The following DENND2A variants were observed in gnomAD, a reference collection of about 807,000 sequenced individuals.
DENND2A encodes the protein DENN domain-containing protein 2A.
In DENND2A, 53 loss-of-function variants were observed where a neutral mutation model predicts 105.3. That is an observed-to-expected ratio of 0.50 (90% CI 0.40 to 0.63). DENND2A has a LOEUF of 0.63. Ranked by LOEUF, DENND2A falls within the 30% of genes least tolerant of loss-of-function variation. DENND2A has a pLI of 0.00. For synonymous variants in DENND2A, 522 were observed against 508.4 expected, an observed-to-expected ratio of 1.03 and a Z score of -0.36; for missense variants, 1,138 against 1,279.6, an observed-to-expected ratio of 0.89 and a Z score of 1.69.
In DENND2A at chr7:140,587,705, C is replaced by T; in HGVS notation, c.1071G>A (p.Lys357=). The T allele has an allele frequency of 6.2e-7, 1 of 1,614,014 alleles. No individual in the cohort carries two copies. The highest frequency in any genetic ancestry group is 8.5e-7 in the Non-Finnish European group (1 of 1,179,938). The change falls in exon 4 of 20, where the codon AAG becomes AAA. Residue 357 remains lysine, a synonymous_variant. Coordinates refer to ENST00000496613, the MANE Select transcript of DENND2A (RefSeq NM_015689.5). ...SSRVDWYAQT[K]LGLTRTLSEE... ...CCGATAAAGTGCGTGTCAGCCCCAG[C>T]TTAGTCTGCGCGTACCAGTCCACCC...
chr7:140,629,525 G>A (rs143234598), intron 1 of DENND2A, among the ~76,000 whole-genome samples: 173 of 152,312 alleles, frequency 1.1e-3, no homozygotes, highest in African/African-American at 3.9e-3. Flanking sequence ...CAGCAGGCTA[G>A]ATGTTGGGAT....
At chr7:140,555,427 C>A (rs1307849345) in intron 12 of DENND2A, among the ~76,000 whole-genome samples, 1 of 152,068 alleles carries the variant, frequency 6.6e-6, no homozygotes, top group African/African-American at 2.4e-5. Flanking sequence ...GCATGAGCCA[C>A]CCCGCCACCA....
At chr7:140,595,405 T>C (rs530923610) in intron 3 of DENND2A, among the ~76,000 whole-genome samples, 7 of 152,310 alleles carry the variant, frequency 4.6e-5, no homozygotes, top group Admixed American at 2.0e-4. Flanking sequence ...AGCTGTATTA[T>C]TGAGTTAATT....
At position 140,567,167 on chromosome 7, in the gene DENND2A, C is replaced by T; in HGVS notation, c.1698G>A (p.Glu566=). Residue 566 remains glutamate, a synonymous_variant, in exon 9 of 20, where the codon GAG becomes GAA. Transcript: ENST00000496613. ...LIEYQERQLF[E]YFVVVSLHKK... ...TGTGCAAAGACACAACCACAAAGTA[C>T]TCGAAGAGCTGCCTCTCCTGGTACT... 1.2e-6 allele frequency: 2 copies of T among 1,613,620 alleles called. No individual in the cohort carries two copies. Among genetic ancestry groups the T allele is most frequent in the Non-Finnish European group, 1.7e-6 (2 of 1,179,874 alleles).
At chr7:140,581,495 C>T (rs1399910945) in intron 5 of DENND2A, among the ~76,000 whole-genome samples, 1 of 152,186 alleles carries the variant, frequency 6.6e-6, no homozygotes, top group Non-Finnish European at 1.5e-5. Flanking sequence ...CTGAGGATCT[C>T]TCCGCAGCTG....
At chr7:140,638,026 G>T (rs929770169) in intron 1 of DENND2A, among the ~76,000 whole-genome samples, 2 of 152,176 alleles carry the variant, frequency 1.3e-5, no homozygotes, top group African/African-American at 4.8e-5. Context: ...GAGGAAGGCA[G>T]TAACGGGGAG....
At chr7:140,532,443 G>A (rs4726889) in intron 14 of DENND2A, among the ~76,000 whole-genome samples, 84,020 of 152,032 alleles carry the variant, frequency 0.55, 23,831 homozygotes, top group East Asian at 0.86. Flanking sequence ...ACTTTAGTCC[G>A]TTAAAGGAGA....
chr7:140,563,676 TAAAAAAAAAAAAAAA>T (rs139848094), intron 9 of DENND2A, among the ~76,000 whole-genome samples: 2 of 29,246 alleles, frequency 6.8e-5, no homozygotes, highest in East Asian at 1.2e-3. Flanking sequence ...ACCATTGCAT[TAAAAAAAAAAAAAAA>T]AAAAAAAAAA....
At chr7:140,541,748 T>A (rs1479152968) in intron 14 of DENND2A, among the ~76,000 whole-genome samples, 1 of 152,216 alleles carries the variant, frequency 6.6e-6, no homozygotes, top group East Asian at 1.9e-4. Context: ...GCCTGCTTCC[T>A]GAGCTGACAA....
chr7:140,523,480 T>G lies in DENND2A; in HGVS notation c.2548-56A>C. On this transcript the variant is annotated intron_variant, in intron 16 of 19. Coordinates refer to ENST00000496613, the MANE Select transcript of DENND2A (RefSeq NM_015689.5). The surrounding 1 kb of genome is among the most constrained non-coding windows in gnomAD (Gnocchi z 4.5). ...GGGCACGGTGGCTGCGTCTTGGCCA[T>G]AGGACACACTGGAGCCACTGCAGGG... 7 of 1,469,360 alleles carry G rather than the reference T, an allele frequency of 4.8e-6. No individual in the cohort carries two copies. Among genetic ancestry groups the G allele is most frequent in the Non-Finnish European group, 6.7e-6 (7 of 1,051,948 alleles). 91.0% of individuals were successfully genotyped at this position (1,469,360 alleles called of 1,614,324 possible).
At chr7:140,567,415 T>A (rs1797913417) in intron 8 of DENND2A, 142 bp from the exon 9 acceptor site, 1 of 689,982 alleles carries the variant, frequency 1.4e-6, no homozygotes, top group South Asian at 2.6e-5. Flanking sequence ...ATAGGTTATG[T>A]AATTATCAGC....
At chr7:140,518,989 T>C (rs1490142895) in intron 19 of DENND2A, among the ~76,000 whole-genome samples, 1 of 152,116 alleles carries the variant, frequency 6.6e-6, no homozygotes, top group Admixed American at 6.6e-5. Flanking sequence ...GCTTCTGTGG[T>C]AATAAAGGAA....
intron 5 of DENND2A, among the ~76,000 whole-genome samples, chr7:140,579,324 T>C (rs912718908): frequency 6.6e-6 from 1 of 151,444 alleles, no homozygotes; most frequent in Admixed American, 6.6e-5. Flanking sequence ...TAAAAAGAAA[T>C]TGATGACATG....
intron 1 of DENND2A, among the ~76,000 whole-genome samples, chr7:140,624,208 T>C (rs1800413367): frequency 6.6e-6 from 1 of 152,240 alleles, no homozygotes; most frequent in Non-Finnish European, 1.5e-5. Flanking sequence ...ACGCCTGTGC[T>C]GGCTGACCCA....
rs543622908 is a variant in DENND2A, at chr7:140,601,899, C to T, written c.499G>A (p.Glu167Lys). The change falls in exon 3 of 20, where the codon GAG (glutamate) becomes AAG (lysine). Residue 167 changes from glutamate to lysine, a missense_variant. Glu to Lys is a moderately conservative substitution (Grantham distance 56). Around this residue, in one of 2 missense-constraint regions of DENND2A, gnomAD observed 511 missense variants for 499.9 expected, o/e 1.02. Transcript: ENST00000496613. ...LSVLKQVKKLEQALKDGSAGL... is the reference protein window; with the variant it reads ...LSVLKQVKKLKQALKDGSAGL... Reference sequence around the variant, plus strand: ...GCCGACCCATCCTTCAAAGCCTGCTCGAGTTTCTTGACCTGCTTCAGCACG... The same window carrying T: ...GCCGACCCATCCTTCAAAGCCTGCTTGAGTTTCTTGACCTGCTTCAGCACG... 7.4e-6 allele frequency: 12 copies of T among 1,614,152 alleles called. No homozygotes were observed. Among genetic ancestry groups the T allele is most frequent in the African/African-American group, 6.7e-5 (5 of 75,028 alleles).
chr7:140,533,591 GAAAGGAAGCC>G (rs754349692), intron 14 of DENND2A, among the ~76,000 whole-genome samples: 26 of 152,334 alleles, frequency 1.7e-4, no homozygotes, highest in Non-Finnish European at 3.5e-4. Context: ...AAACGTGACA[GAAAGGAAGCC>G]AAAGTTCACT....
chr7:140,587,714 C>A lies in DENND2A; in HGVS notation c.1062G>T (p.Ala354=), dbSNP rs201968906. 1 of 1,613,302 alleles carries A rather than the reference C, an allele frequency of 6.2e-7. No individual in the cohort carries two copies. The highest frequency in any genetic ancestry group is 1.7e-5 in the Admixed American group (1 of 59,960). The change falls in exon 4 of 20, where the codon GCG becomes GCT. Residue 354 remains alanine (A), a synonymous_variant. Coordinates refer to ENST00000496613, the MANE Select transcript of DENND2A (RefSeq NM_015689.5). Reference sequence around the variant, plus strand: ...TGCGTGTCAGCCCCAGCTTAGTCTGCGCGTACCAGTCCACCCTGCTGCTCT... The same window carrying A: ...TGCGTGTCAGCCCCAGCTTAGTCTGAGCGTACCAGTCCACCCTGCTGCTCT... The part of the protein sequence containing the change: ...SSESSRVDWY[A]QTKLGLTRTL...
intron 3 of DENND2A, among the ~76,000 whole-genome samples, chr7:140,592,426 T>C (rs1322578176): frequency 6.6e-6 from 1 of 151,718 alleles, no homozygotes; most frequent in Admixed American, 6.6e-5. Flanking sequence ...TTAGCCAGGA[T>C]GGTTTTGATC....
chr7:140,636,177 G>C lies in DENND2A; in HGVS notation c.-248+4327C>G, dbSNP rs188452076. 1.9e-3 allele frequency among the ~76,000 whole-genome samples: 284 copies of C among 152,230 alleles called. 1 individual carries two copies. Among genetic ancestry groups the C allele is most frequent in the Non-Finnish European group, 3.2e-3 (215 of 68,014 alleles). On this transcript the variant is annotated intron_variant, in intron 1 of 19. Transcript: ENST00000496613. ...CAGTGTTCAGGGCCAGGCTCCTGGGGTAACAAGCAACAATGCGTGTGGGCA... is the reference window on the plus strand; with the variant it reads ...CAGTGTTCAGGGCCAGGCTCCTGGGCTAACAAGCAACAATGCGTGTGGGCA...
Sources: allele counts gnomAD v4.1 joint callset (sites outside exome capture counted in the v4.1 genomes callset), GRCh38; gene constraint gnomAD v4.1.1; regional missense constraint gnomAD v4.1.1; non-coding constraint Gnocchi (gnomAD v3.1); transcripts MANE v1.5; gene names NCBI Gene and HGNC (gene_info 2026-07-23, HGNC 2026-07-21).